SSBP3: variants seen among roughly 807,000 people sequenced by gnomAD.
SSBP3 encodes single-stranded DNA-binding protein 3.
SSBP3 carries 5 observed loss-of-function variants against 69.6 expected under a neutral mutation model. The ratio of observed to expected loss-of-function variants is 0.07; its 90% CI spans 0.04 to 0.15. The LOEUF (loss-of-function observed/expected upper bound fraction) is 0.15, where lower values mean the gene tolerates loss of function less well. Ranked by LOEUF, SSBP3 falls within the 10% of genes least tolerant of loss-of-function variation. The pLI is 1.00. For synonymous variants in SSBP3, 196 were observed against 193.4 expected (o/e 1.01, Z -0.11); for missense variants, 312 against 534.0 (o/e 0.58, Z 4.10).
At chr1:54,348,597 G>A (rs1413932758) in intron 4 of SSBP3, among the ~76,000 whole-genome samples, 1 of 152,210 alleles carries the variant, frequency 6.6e-6, no homozygotes, top group Non-Finnish European at 1.5e-5. Flanking sequence ...CAATACCGGG[G>A]ACTTGCTGGG....
intron 4 of SSBP3, among the ~76,000 whole-genome samples, chr1:54,358,197 C>A (rs1401659156): frequency 2.6e-5 from 4 of 152,308 alleles, no homozygotes; most frequent in Non-Finnish European, 2.9e-5. Flanking sequence ...ACTGCACATA[C>A]AAAATGAAGA....
intron 5 of SSBP3, among the ~76,000 whole-genome samples, chr1:54,270,138 T>G (rs1406180001): frequency 6.6e-6 from 1 of 152,176 alleles, no homozygotes; most frequent in Admixed American, 6.5e-5. Context: ...CAAGTGTTCA[T>G]CTCCCAGATG....
chr1:54,327,045 C>G (rs1646318023), intron 4 of SSBP3, among the ~76,000 whole-genome samples: 1 of 152,008 alleles, frequency 6.6e-6, no homozygotes, highest in Admixed American at 6.6e-5. Flanking sequence ...GCCGGGCCTC[C>G]TGGTTTCTAA....
At chr1:54,241,046 C>T in intron 12 of SSBP3, 87 bp from the exon 13 acceptor site, 1 of 1,434,092 alleles carries the variant, frequency 7.0e-7, no homozygotes. Context: ...TGGTCAGCAG[C>T]AACTGCTCGC....
intron 6 of SSBP3, among the ~76,000 whole-genome samples, 158 bp downstream of exon 6, chr1:54,257,911 T>C (rs1181658148): frequency 6.6e-6 from 1 of 152,252 alleles, no homozygotes; most frequent in Non-Finnish European, 1.5e-5. Context: ...CTGAAGACTA[T>C]CTTTAGAAAA....
intron 4 of SSBP3, among the ~76,000 whole-genome samples, chr1:54,393,185 T>A (rs1244141794): frequency 6.6e-6 from 1 of 152,182 alleles, no homozygotes; most frequent in Non-Finnish European, 1.5e-5. Flanking sequence ...GCCAGAAGCA[T>A]CTGTGCGTCC....
intron 4 of SSBP3, among the ~76,000 whole-genome samples, chr1:54,384,461 G>A (rs2100739774): frequency 6.6e-6 from 1 of 152,360 alleles, no homozygotes; most frequent in Non-Finnish European, 1.5e-5. Context: ...AATGTTGAGT[G>A]GGGATCCACC....
In SSBP3 at chr1:54,350,177, G is replaced by A. The variant is rs1044516052; in HGVS notation, c.276+51684C>T. Among the ~76,000 whole-genome samples the A allele has an allele frequency of 4.7e-4, 71 of 152,134 alleles. 1 individual carries two copies. Among genetic ancestry groups the A allele is most frequent in the African/African-American group, 1.6e-3 (66 of 41,508 alleles). ...GATCTGGGAAGCTGAAGCCTTCACC[G>A]CTGCTTCCTTTTAGGTGGTGACCTG... On this transcript the variant is annotated intron_variant, in intron 4 of 17. Transcript: ENST00000610401.
chr1:54,226,040 T>C (rs1317969336), exon 18 of SSBP3: 1 of 152,268 alleles, frequency 6.6e-6, no homozygotes, highest in Non-Finnish European at 1.5e-5. Context: ...ACGATGACGC[T>C]GATGCGAGGA....
At chr1:54,404,679 G>T in intron 2 of SSBP3, 42 bp from the exon 3 acceptor site, 1 of 1,609,486 alleles carries the variant, frequency 6.2e-7, no homozygotes, top group Non-Finnish European at 8.5e-7. Flanking sequence ...GAGCAGAGAC[G>T]GGGTGGGCTG....
intron 11 of SSBP3, 57 bp downstream of exon 11, chr1:54,242,107 C>T: frequency 1.3e-6 from 2 of 1,598,090 alleles, no homozygotes; most frequent in Non-Finnish European, 1.7e-6. Flanking sequence ...CAGTAGCTCC[C>T]CTGCACCCAG....
At chr1:54,316,698 AAATAAAT>A (rs1291741972) in intron 4 of SSBP3, among the ~76,000 whole-genome samples, 2,273 of 125,312 alleles carry the variant, frequency 0.018, 58 homozygotes, top group Non-Finnish European at 0.027. Flanking sequence ...ATAAATAAAT[AAATAAAT>A]AAATAAAATA....
chr1:54,377,768 G>A (rs1203621456), intron 4 of SSBP3, among the ~76,000 whole-genome samples: 1 of 152,120 alleles, frequency 6.6e-6, no homozygotes, highest in African/African-American at 2.4e-5. Context: ...AGAAAGGTGG[G>A]TTAGAAGATA....
chr1:54,404,744 G>C, intron 2 of SSBP3, 107 bp from the exon 3 acceptor site: 1 of 1,414,272 alleles, frequency 7.1e-7, no homozygotes, highest in Non-Finnish European at 9.9e-7. Context: ...AATGCCAAAA[G>C]GTGATAAAAA....
At chr1:54,228,849 G>A in intron 14 of SSBP3, 23 bp from the exon 15 acceptor site, 1 of 1,608,042 alleles carries the variant, frequency 6.2e-7, no homozygotes. Context: ...CACAGGGCAT[G>A]GCAGCTCAGC....
At chr1:54,245,634 C>T (rs1406822524) in intron 9 of SSBP3, among the ~76,000 whole-genome samples, 1 of 152,188 alleles carries the variant, frequency 6.6e-6, no homozygotes, top group African/African-American at 2.4e-5. Flanking sequence ...ACCAGGCTGG[C>T]TGACAAAGAG....
intron 9 of SSBP3, among the ~76,000 whole-genome samples, chr1:54,248,250 T>C (rs1201927756): frequency 6.6e-6 from 1 of 152,218 alleles, no homozygotes; most frequent in African/African-American, 2.4e-5. Flanking sequence ...GCTTACTTTA[T>C]GCTGAAGGGG....
intron 4 of SSBP3, among the ~76,000 whole-genome samples, chr1:54,355,642 GTCCAGCCTC>G (rs1395675597): frequency 6.6e-6 from 1 of 152,048 alleles, no homozygotes; most frequent in Non-Finnish European, 1.5e-5. Context: ...GAGCCACCGC[GTCCAGCCTC>G]TCCCCCAAAT....
intron 13 of SSBP3, 56 bp downstream of exon 13, chr1:54,240,849 C>G: frequency 6.2e-7 from 1 of 1,609,982 alleles, no homozygotes; most frequent in Non-Finnish European, 8.5e-7. Context: ...GTCTCTCTGG[C>G]AACATGCCCC....
Sources: gnomAD v4.1 joint callset for allele counts (sites outside exome capture counted in the v4.1 genomes callset) on GRCh38, gnomAD v4.1.1 for gene constraint, MANE v1.5 for transcripts, NCBI Gene and HGNC (gene_info 2026-07-23, HGNC 2026-07-21) for gene names.